KLK6: variants seen among roughly 807,000 people sequenced by gnomAD.
KLK6 encodes kallikrein-6.
Under a neutral mutation model 21.7 loss-of-function variants are expected in KLK6, and 16 were observed. That is an observed-to-expected ratio of 0.74 (90% confidence interval 0.50 to 1.12). KLK6 has a LOEUF of 1.12. Among genes scored for constraint, KLK6 ranks in the 50% most tolerant of loss-of-function variants. The pLI is 0.00. For missense variants in KLK6, 276 were observed against 304.6 expected, an observed-to-expected ratio of 0.91 and a Z score of 0.70; for synonymous variants, 116 against 120.1, an observed-to-expected ratio of 0.97 and a Z score of 0.22.
Position 50,961,890 on chromosome 19 carries a change from G to T in KLK6, c.446-10C>A, listed in dbSNP as rs748036646. On this transcript the variant is annotated splice_polypyrimidine_tract_variant and intron_variant, in intron 5 of 6. Coordinates refer to ENST00000310157, the MANE Select transcript of KLK6 (RefSeq NM_002774.4). The stretch of plus-strand genomic sequence containing the variant: ...GTGTCAGGGAAATCACCTGTTAGGG[G>T]AGAGATGGGCCAGACTCAGCCCAGG... 6.2e-7 allele frequency: 1 copy of T among 1,612,278 alleles called. No individual in the cohort carries two copies. Among genetic ancestry groups the T allele is most frequent in the South Asian group, 1.1e-5 (1 of 90,820 alleles).
chr19:50,968,618 T>A (rs2122185265), intron 1 of KLK6, 27 bp from the exon 2 acceptor site: 1 of 171,262 alleles, frequency 5.8e-6, no homozygotes, highest in Middle Eastern at 2.9e-3. Flanking sequence ...CAGAAAGAGT[T>A]AGAAATGCGG....
chr19:50,960,126 G>A (rs1483218658), intron 6 of KLK6, among the ~76,000 whole-genome samples: 1 of 107,600 alleles, frequency 9.3e-6, no homozygotes, highest in African/African-American at 3.5e-5. Flanking sequence ...GAGAGGGGGA[G>A]GAGGATGGGG....
intron 5 of KLK6, 79 bp from the exon 6 acceptor site, chr19:50,961,959 T>G (rs1381598878): frequency 1.0e-5 from 15 of 1,485,864 alleles, no homozygotes; most frequent in Non-Finnish European, 1.4e-5. Flanking sequence ...CCAACCCCTA[T>G]AAGTCCTCCA....
chr19:50,959,383 G>A (rs943569486), intron 6 of KLK6, 67 bp from the exon 7 acceptor site: 4 of 1,069,414 alleles, frequency 3.7e-6, no homozygotes, highest in Non-Finnish European at 5.1e-6. Flanking sequence ...GTGTGTGTGT[G>A]TGTGTGTGTG....
At chr19:50,963,151 T>A in intron 5 of KLK6, 151 bp downstream of exon 5, 5 of 1,143,380 alleles carry the variant, frequency 4.4e-6, no homozygotes, top group Non-Finnish European at 6.2e-6. Flanking sequence ...TCCCTCCCCC[T>A]TGACCTTTCT....
At chr19:50,969,226 G>A (rs2090976306) in intron 1 of KLK6, among the ~76,000 whole-genome samples, 1 of 151,952 alleles carries the variant, frequency 6.6e-6, no homozygotes, top group Admixed American at 6.5e-5. Flanking sequence ...TCCTGGGTCT[G>A]AGGGAGGAGG....
chr19:50,959,836 A>G (rs1245649254), intron 6 of KLK6, among the ~76,000 whole-genome samples: 16 of 11,566 alleles, frequency 1.4e-3, no homozygotes, highest in African/African-American at 2.7e-3. Context: ...GGAAGAGGAG[A>G]AGAAGGAGGA....
intron 4 of KLK6, among the ~76,000 whole-genome samples, chr19:50,966,497 C>T (rs2090927614): frequency 6.6e-6 from 1 of 152,194 alleles, no homozygotes; most frequent in Admixed American, 6.5e-5. Flanking sequence ...AGCCAGGGTG[C>T]TTGTAAAAAT....
chr19:50,969,128 G>C (rs919189321), intron 1 of KLK6, among the ~76,000 whole-genome samples: 10 of 151,338 alleles, frequency 6.6e-5, no homozygotes, highest in Admixed American at 2.6e-4. Flanking sequence ...TGAGGGAGGA[G>C]GGGCTGGGGG....
intron 3 of KLK6, 135 bp downstream of exon 3, chr19:50,967,929 TC>T: frequency 2.3e-6 from 1 of 429,406 alleles, no homozygotes. Context: ...CTTAGCCTAA[TC>T]CCCAACGTCT....
intron 4 of KLK6, among the ~76,000 whole-genome samples, chr19:50,966,950 G>GTT (rs60756490): frequency 4.5e-4 from 68 of 151,382 alleles, no homozygotes; most frequent in East Asian, 1.9e-3. Context: ...AATTTTGCTT[G>GTT]TTTTTTTTTG....
chr19:50,960,572 A>G (rs980963248), intron 6 of KLK6, among the ~76,000 whole-genome samples: 1 of 152,024 alleles, frequency 6.6e-6, no homozygotes, highest in East Asian at 1.9e-4. Flanking sequence ...CCCTCACACC[A>G]TCTGCTTCCT....
chr19:50,963,749 C>T (rs1219397423), intron 4 of KLK6, 200 bp from the exon 5 acceptor site: 1 of 609,994 alleles, frequency 1.6e-6, no homozygotes, highest in Non-Finnish European at 2.8e-6. Flanking sequence ...TCCAAGCTGT[C>T]CAGAATTCCT....
rs1178908447 is a variant in KLK6, at chr19:50,964,262, G to A, written c.198-713C>T. ...ACTTCCTTTAAATGTCGCCTCTCAGGGAAGCCTTCCTTAGTTGCCCAATTA... is the reference window on the plus strand; with the variant it reads ...ACTTCCTTTAAATGTCGCCTCTCAGAGAAGCCTTCCTTAGTTGCCCAATTA... On this transcript the variant is annotated intron_variant, in intron 4 of 6. Coordinates refer to ENST00000310157, the MANE Select transcript of KLK6 (RefSeq NM_002774.4). 5.9e-5 allele frequency among the ~76,000 whole-genome samples: 9 copies of A among 152,174 alleles called. No individual in the cohort carries two copies. In the East Asian group the frequency reaches 1.3e-3, roughly 23 times the overall value.
chr19:50,958,854 C>T lies in KLK6; in HGVS notation c.*310G>A. ...CTGGGATTCCAGACACGTGGCTGGG[C>T]CTCTGCAGGAAGAAATCAAACGTGT... On this transcript the variant is annotated 3_prime_UTR_variant, in exon 7 of 7. Transcript: ENST00000310157. 2.9e-6 allele frequency: 1 copy of T among 348,240 alleles called. No individual in the cohort carries two copies. Among genetic ancestry groups the T allele is most frequent in the Non-Finnish European group, 5.3e-6 (1 of 188,640 alleles). 21.6% of individuals were successfully genotyped at this position (348,240 alleles called of 1,614,324 possible).
chr19:50,962,016 T>C, intron 5 of KLK6, 136 bp from the exon 6 acceptor site: 1 of 932,272 alleles, frequency 1.1e-6, no homozygotes, highest in Admixed American at 3.1e-5. Flanking sequence ...TTCCTGTTTG[T>C]CTCTCATTCT....
chr19:50,964,693 T>C (rs2122136759), intron 4 of KLK6, among the ~76,000 whole-genome samples: 1 of 152,230 alleles, frequency 6.6e-6, no homozygotes, highest in East Asian at 1.9e-4. Flanking sequence ...TGGCACAGGA[T>C]AGGTGTTTGA....
chr19:50,961,026 G>T (rs988131808), intron 6 of KLK6, among the ~76,000 whole-genome samples: 17 of 152,120 alleles, frequency 1.1e-4, no homozygotes, highest in South Asian at 8.3e-4. Context: ...GGCCTCCCAA[G>T]GTGCTGGGAT....
At chr19:50,961,723 G>A (rs920598060) in intron 6 of KLK6, 21 bp downstream of exon 6, 1 of 1,610,192 alleles carries the variant, frequency 6.2e-7, no homozygotes, top group South Asian at 1.1e-5. Flanking sequence ...CTGTGTAAGT[G>A]GCAGATCCGG....
Sources: allele counts gnomAD v4.1 joint callset (sites outside exome capture counted in the v4.1 genomes callset), GRCh38; gene constraint gnomAD v4.1.1; transcripts MANE v1.5; gene names NCBI Gene and HGNC (gene_info 2026-07-23, HGNC 2026-07-21).